Variants in DENND2C observed in about 807,000 individuals in gnomAD.
The protein encoded by DENND2C is DENN domain containing 2C.
In DENND2C, 72 loss-of-function variants were observed where a neutral mutation model predicts 112.4. That is an observed-to-expected ratio of 0.64 (90% CI 0.53 to 0.78). The LOEUF (loss-of-function observed/expected upper bound fraction) is 0.78, where lower values mean the gene tolerates loss of function less well. Among genes scored for constraint, DENND2C ranks in the 30% least tolerant of loss-of-function variants. The probability of loss-of-function intolerance (pLI) is 0.00; values close to 1 mark genes in which losing one functional copy is unlikely to be tolerated. For synonymous variants in DENND2C, 329 were observed against 381.6 expected (o/e 0.86, Z 1.61); for missense variants, 992 against 1,113.8 (o/e 0.89, Z 1.56).
At chr1:114,615,739 A>G (rs1441450649) in intron 8 of DENND2C, among the ~76,000 whole-genome samples, 1 of 152,218 alleles carries the variant, frequency 6.6e-6, no homozygotes, top group African/African-American at 2.4e-5. Context: ...TCATATAGTA[A>G]GTTGTTAGAA....
chr1:114,636,906 C>T (rs1233806359), intron 3 of DENND2C, among the ~76,000 whole-genome samples: 3 of 151,514 alleles, frequency 2.0e-5, no homozygotes, highest in Admixed American at 1.3e-4. Context: ...TAAGAATAAA[C>T]GATTGGAAAA....
At chr1:114,604,164 G>A (rs1655597149) in intron 11 of DENND2C, among the ~76,000 whole-genome samples, 1 of 152,154 alleles carries the variant, frequency 6.6e-6, no homozygotes, top group African/African-American at 2.4e-5. Flanking sequence ...CTGCTTATGA[G>A]AGATAGTAGC....
chr1:114,599,972 T>TG (rs1311860290), intron 15 of DENND2C, among the ~76,000 whole-genome samples: 1 of 60,818 alleles, frequency 1.6e-5, no homozygotes, highest in Non-Finnish European at 3.5e-5. Context: ...TGTCGTGGGG[T>TG]GGGGGGATGG....
intron 20 of DENND2C, 40 bp downstream of exon 20, chr1:114,587,347 T>G (rs191807164): frequency 1.5e-4 from 240 of 1,611,310 alleles, no homozygotes; most frequent in Admixed American, 2.0e-4. Flanking sequence ...GCGCCTGGTC[T>G]TCAGCCACAT....
At position 114,584,204 on chromosome 1, in the gene DENND2C, A is replaced by T. The variant is rs149563733; in HGVS notation, c.*1396T>A. On this transcript the variant is annotated 3_prime_UTR_variant, in exon 21 of 21. Coordinates refer to ENST00000393274, the MANE Select transcript of DENND2C (RefSeq NM_001256404.2). ...CTGTGTCCATAAAAGTCTTGGCTTC[A>T]GTTCTGTGTTGTACAACTTTGGGCA... 85 of 152,278 alleles carry T rather than the reference A, an allele frequency of 5.6e-4. No homozygotes were observed. Among genetic ancestry groups the T allele is most frequent in the African/African-American group, 2.0e-3 (84 of 41,568 alleles). 9.4% of individuals were successfully genotyped at this position (152,278 alleles called of 1,614,324 possible). A position where few individuals can be genotyped will look rare whatever the true frequency, so the allele number is the denominator to read the frequency against.
At chr1:114,662,411 C>T (rs1041156532) in intron 1 of DENND2C, among the ~76,000 whole-genome samples, 2 of 151,952 alleles carry the variant, frequency 1.3e-5, no homozygotes, top group East Asian at 1.9e-4. Context: ...ACAAAAAATC[C>T]GCAAATATGT....
chr1:114,621,513 T>G (rs1656164596), intron 7 of DENND2C, among the ~76,000 whole-genome samples: 1 of 152,240 alleles, frequency 6.6e-6, no homozygotes, highest in Non-Finnish European at 1.5e-5. Context: ...ATCTGTAAAC[T>G]CAAGCACAAA....
chr1:114,624,621 T>A (rs999271012), intron 4 of DENND2C, among the ~76,000 whole-genome samples: 1 of 76,518 alleles, frequency 1.3e-5, no homozygotes, highest in Admixed American at 1.2e-4. Flanking sequence ...ATTTTCTTTT[T>A]TTCTTTTTTT....
rs142924015 is a variant in DENND2C, at chr1:114,625,845, C to G, written c.140G>C (p.Gly47Ala). Residue 47 changes from glycine (G) to alanine (A), a missense_variant, in exon 4 of 21, where the codon GGA (glycine) becomes GCA (alanine). Around this residue, in one of 3 missense-constraint regions of DENND2C, gnomAD observed 470 missense variants for 472.7 expected, o/e 0.99. Coordinates refer to ENST00000393274, the MANE Select transcript of DENND2C (RefSeq NM_001256404.2). ...CTCTTGGTGACAGTTATATCTCACT[C>G]CAAAGTCCTTTGGACACCACTTTTC... Reference protein sequence around the residue: ...NPEKWCPKDFGVRYNCHQEIR... With the variant: ...NPEKWCPKDFAVRYNCHQEIR... 6.2e-7 allele frequency: 1 copy of G among 1,613,938 alleles called. No homozygotes were observed. Among genetic ancestry groups the G allele is most frequent in the African/African-American group, 1.3e-5 (1 of 74,912 alleles).
At chr1:114,659,258 T>C (rs559189439) in intron 1 of DENND2C, among the ~76,000 whole-genome samples, 1 of 152,226 alleles carries the variant, frequency 6.6e-6, no homozygotes, top group Non-Finnish European at 1.5e-5. Context: ...CCCAGCACTT[T>C]GGGAGGTAGA....
intron 8 of DENND2C, among the ~76,000 whole-genome samples, chr1:114,614,232 G>GAAAA (rs71090798): frequency 8.7e-6 from 1 of 114,324 alleles, no homozygotes; most frequent in Non-Finnish European, 2.0e-5. Context: ...ACTCTGTCTT[G>GAAAA]AAAAAAAAAA....
intron 7 of DENND2C, among the ~76,000 whole-genome samples, chr1:114,621,602 A>G (rs1356874352): frequency 6.6e-6 from 1 of 152,250 alleles, no homozygotes. Context: ...GCCCTTTTAT[A>G]TAAGATTCTG....
intron 2 of DENND2C, among the ~76,000 whole-genome samples, chr1:114,646,340 A>G (rs1395992536): frequency 6.6e-6 from 1 of 152,212 alleles, no homozygotes; most frequent in Non-Finnish European, 1.5e-5. Flanking sequence ...ATTTTAGAAC[A>G]CTTTTCTTTG....
At position 114,603,164 on chromosome 1, in the gene DENND2C, G is replaced by A. The variant is rs577184872; in HGVS notation, c.1668-970C>T. Among the ~76,000 whole-genome samples the A allele has an allele frequency of 8.2e-4, 122 of 149,444 alleles. 2 individuals are homozygous for A. In the South Asian group the frequency reaches 0.013, roughly 16 times the overall value. The stretch of plus-strand genomic sequence containing the variant: ...TCCATTTTTTTTTTTTTTCTGAGAC[G>A]GAGTCTCACTCTGTCGCCCAGGCTG... On this transcript the variant is annotated intron_variant, in intron 11 of 20. Transcript: ENST00000393274.
rs778698096 is a variant in DENND2C, at chr1:114,625,878, G to A, written c.107C>T (p.Ser36Phe). Residue 36 changes from serine to phenylalanine, a missense_variant, in exon 4 of 21, where the codon TCT becomes TTT. Transcript: ENST00000393274. Reference protein sequence around the residue: ...SQWEGRANGISNPEKWCPKDF... With the variant: ...SQWEGRANGIFNPEKWCPKDF... ...CTTTGGACACCACTTTTCTGGATTAGATATACCATTAGCCCTTCCTTCCCA... is the reference window on the plus strand; with the variant it reads ...CTTTGGACACCACTTTTCTGGATTAAATATACCATTAGCCCTTCCTTCCCA... 6.2e-7 allele frequency: 1 copy of A among 1,614,030 alleles called. No homozygotes were observed. Among genetic ancestry groups the A allele is most frequent in the Non-Finnish European group, 8.5e-7 (1 of 1,179,988 alleles).
intron 1 of DENND2C, among the ~76,000 whole-genome samples, chr1:114,655,878 G>GTGTATATATATATATATATATATA: frequency 5.0e-5 from 1 of 19,940 alleles, no homozygotes; most frequent in East Asian, 5.9e-4. Flanking sequence ...ATATATATAT[G>GTGTATATATATATATATATATATA]TATAAATATA....
chr1:114,582,859 T>G lies in DENND2C; in HGVS notation c.*2741A>C, dbSNP rs573798890. 302 of 152,124 alleles carry G rather than the reference T, an allele frequency of 2.0e-3. No homozygotes were observed. The highest frequency in any genetic ancestry group is 7.1e-3 in the African/African-American group (294 of 41,482). 9.4% of individuals were successfully genotyped at this position (152,124 alleles called of 1,614,324 possible). A position where few individuals can be genotyped will look rare whatever the true frequency, so the allele number is the denominator to read the frequency against. ...AATTCTCCAAGGGATCTGTGGGGGG[T>G]TTATGTATTTATTCATTAAAAGATC... is the stretch of plus-strand genomic sequence containing the variant. On this transcript the variant is annotated 3_prime_UTR_variant, in exon 21 of 21. Transcript: ENST00000393274.
intron 2 of DENND2C, among the ~76,000 whole-genome samples, chr1:114,653,453 A>T (rs980824971): frequency 3.9e-5 from 6 of 152,222 alleles, no homozygotes; most frequent in African/African-American, 9.6e-5. Flanking sequence ...CCATATTTTT[A>T]AAATGTTTTT....
chr1:114,625,746 C>A lies in DENND2C; in HGVS notation c.239G>T (p.Gly80Val). The change falls in exon 4 of 21, where the codon GGT becomes GTT. Residue 80 changes from glycine to valine, a missense_variant. Gly to Val is a moderately radical substitution (Grantham distance 109, BLOSUM62 -3). Around this residue, in one of 3 missense-constraint regions of DENND2C, gnomAD observed 470 missense variants for 472.7 expected, o/e 0.99. Coordinates refer to ENST00000393274, the MANE Select transcript of DENND2C (RefSeq NM_001256404.2). ...NLDVTSRENVGLDINENTKSH... is the reference protein window; with the variant it reads ...NLDVTSRENVVLDINENTKSH... ...TTTGGTATTTTCATTTATATCTAGA[C>A]CCACATTTTCACGGCTGGTTACATC... 1 of 1,614,056 alleles carries A rather than the reference C, an allele frequency of 6.2e-7. No individual in the cohort carries two copies. The highest frequency in any genetic ancestry group is 8.5e-7 in the Non-Finnish European group (1 of 1,180,014).
Sources: allele counts gnomAD v4.1 joint callset (sites outside exome capture counted in the v4.1 genomes callset), GRCh38; gene constraint gnomAD v4.1.1; regional missense constraint gnomAD v4.1.1; transcripts MANE v1.5; gene names NCBI Gene and HGNC (gene_info 2026-07-23, HGNC 2026-07-21).